The following CASQ2 variants were observed in gnomAD, a reference collection of about 807,000 sequenced individuals.
The protein encoded by CASQ2 is calsequestrin 2, also known as calsequestrin-2.
A neutral mutation model predicts 46.5 loss-of-function variants in CASQ2; 49 were observed. The observed-to-expected ratio is 1.05, with a 90% CI of 0.84 to 1.34. The LOEUF (loss-of-function observed/expected upper bound fraction) is 1.34. CASQ2 is among the 40% of genes most tolerant of loss of function. CASQ2 has a pLI of 0.00. For missense variants in CASQ2, 486 were observed against 481.3 expected (o/e 1.01, Z -0.09); for synonymous variants, 174 against 168.5 (o/e 1.03, Z -0.25).
At position 115,734,349 on chromosome 1, in the gene CASQ2, A is replaced by C. The variant is rs114751657; in HGVS notation, c.533-1375T>G. Among the ~76,000 whole-genome samples, 644 of 152,168 alleles carry C rather than the reference A, an allele frequency of 4.2e-3. 3 individuals are homozygous for C. The highest frequency in any genetic ancestry group is 0.015 in the African/African-American group (625 of 41,506). On this transcript the variant is annotated intron_variant, in intron 4 of 10. Transcript: ENST00000261448. ...TTTCCAATCCCCATGTCCCTGATGA[A>C]TTTCTCTTCCCCTCCATGAACTCCC...
intron 7 of CASQ2, among the ~76,000 whole-genome samples, chr1:115,719,991 A>G (rs1647313668): frequency 6.6e-6 from 1 of 152,184 alleles, no homozygotes; most frequent in Non-Finnish European, 1.5e-5. Flanking sequence ...CTTTTTCTGT[A>G]CTTACTTTGT....
chr1:115,758,074 T>C (rs1648822303), intron 1 of CASQ2, among the ~76,000 whole-genome samples: 1 of 152,220 alleles, frequency 6.6e-6, no homozygotes, highest in Non-Finnish European at 1.5e-5. Context: ...TAAAGACATC[T>C]GTCCCTTCAT....
At chr1:115,710,736 T>C (rs964692205) in intron 8 of CASQ2, among the ~76,000 whole-genome samples, 14 of 152,004 alleles carry the variant, frequency 9.2e-5, no homozygotes, top group Non-Finnish European at 1.9e-4. Flanking sequence ...CAGAGATGGA[T>C]GTAAATAAAG....
chr1:115,717,299 G>A (rs931975353), intron 8 of CASQ2, among the ~76,000 whole-genome samples: 3 of 152,088 alleles, frequency 2.0e-5, no homozygotes, highest in African/African-American at 7.2e-5. Flanking sequence ...TCTCTTTTAG[G>A]TTCTGCATAC....
At chr1:115,717,192 C>A (rs1356443814) in intron 8 of CASQ2, among the ~76,000 whole-genome samples, 1 of 152,156 alleles carries the variant, frequency 6.6e-6, no homozygotes, top group African/African-American at 2.4e-5. Flanking sequence ...GAACTTTGAG[C>A]CAATAGAAGC....
chr1:115,754,564 T>C (rs553896513), intron 1 of CASQ2, among the ~76,000 whole-genome samples: 86 of 152,228 alleles, frequency 5.6e-4, no homozygotes, highest in African/African-American at 1.9e-3. Context: ...GATGAGGAAA[T>C]AGAGGCACAG....
intron 5 of CASQ2, among the ~76,000 whole-genome samples, chr1:115,728,427 G>A (rs1223645285): frequency 1.3e-5 from 2 of 152,138 alleles, no homozygotes; most frequent in Non-Finnish European, 2.9e-5. Flanking sequence ...AGAGGGAGAT[G>A]TGGAGTTTTT....
At chr1:115,741,941 G>T (rs1648197137) in intron 2 of CASQ2, among the ~76,000 whole-genome samples, 1 of 152,218 alleles carries the variant, frequency 6.6e-6, no homozygotes, top group South Asian at 2.1e-4. Flanking sequence ...ACTGCAGCCT[G>T]CTGTGTCCCA....
intron 3 of CASQ2, among the ~76,000 whole-genome samples, chr1:115,739,479 C>T (rs1025119365): frequency 6.6e-5 from 10 of 152,066 alleles, no homozygotes. Context: ...TCATAACTTC[C>T]CCTGCCAGTT....
rs1342542608 is a variant in CASQ2, at chr1:115,761,497, G to GAGA, written c.234+6808_234+6810dup. Reference sequence around the variant, plus strand: ...GAAGAAGAAGAAGAAGGAGAAGAAGGAGAAGAAGAAGAAGAAGAAGAAGAA... The same window carrying GAGA: ...GAAGAAGAAGAAGAAGGAGAAGAAGGAGAAGAAGAAGAAGAAGAAGAAGAAGAA... On this transcript the variant is annotated intron_variant, in intron 1 of 10. Transcript: ENST00000261448. 1.8e-3 allele frequency among the ~76,000 whole-genome samples: 35 copies of GAGA among 18,960 alleles called. 6 individuals carry two copies. Among genetic ancestry groups the GAGA allele is most frequent in the African/African-American group, 9.3e-3 (33 of 3,556 alleles). 12.4% of individuals were successfully genotyped at this position (18,960 alleles called of 152,430 possible). A position where few individuals can be genotyped will look rare whatever the true frequency, so the allele number is the denominator to read the frequency against.
chr1:115,748,209 A>C (rs996139972), intron 1 of CASQ2, among the ~76,000 whole-genome samples: 2 of 151,768 alleles, frequency 1.3e-5, no homozygotes, highest in Middle Eastern at 3.4e-3. Context: ...TTTCTTTTCT[A>C]TGTTTGTTTC....
rs1469324136 is a variant in CASQ2 at position 115,725,693 on chromosome 1, A to G, written c.738-140T>C. 3 of 1,076,752 alleles carry G rather than the reference A, an allele frequency of 2.8e-6. No homozygotes were observed. The African/African-American group carries it at 4.8e-5, about 17-fold the overall frequency. 66.7% of individuals were successfully genotyped at this position (1,076,752 alleles called of 1,614,324 possible). A position where few individuals can be genotyped will look rare whatever the true frequency, so the allele number is the denominator to read the frequency against. ...AAGGCAGGGAGAGCCCTAAAAACCC[A>G]CTTATCTTCTAAGGAAACAGACCTG... is the stretch of plus-strand genomic sequence containing the variant. On this transcript the variant is annotated intron_variant, in intron 6 of 10. Coordinates refer to ENST00000261448, the MANE Select transcript of CASQ2 (RefSeq NM_001232.4).
Position 115,768,338 on chromosome 1 carries a change from T to G in CASQ2, c.204A>C (p.Lys68Asn). Residue 68 changes from lysine to asparagine, a missense_variant, in exon 1 of 11, where the codon AAA (lysine) becomes AAC (asparagine). Lys to Asn is a moderately conservative substitution (Grantham distance 94). Transcript: ENST00000261448. ...EPVSSDKVTQKQFQLKEIVLE... is the reference protein window; with the variant it reads ...EPVSSDKVTQNQFQLKEIVLE... ...GCACGATTTCTTTCAGTTGGAACTGTTTTTGCGTGACCTTATCTGAAGACA... is the reference window on the plus strand; with the variant it reads ...GCACGATTTCTTTCAGTTGGAACTGGTTTTGCGTGACCTTATCTGAAGACA... 1 of 1,613,464 alleles carries G rather than the reference T, an allele frequency of 6.2e-7. No individual in the cohort carries two copies. Among genetic ancestry groups the G allele is most frequent in the Non-Finnish European group, 8.5e-7 (1 of 1,179,424 alleles).
intron 8 of CASQ2, among the ~76,000 whole-genome samples, chr1:115,707,568 T>A (rs1406914028): frequency 6.6e-6 from 1 of 152,158 alleles, no homozygotes; most frequent in Non-Finnish European, 1.5e-5. Context: ...CTCCAGTGTA[T>A]CACTGACTGA....
In CASQ2 at chr1:115,727,139, TA is replaced by T. The variant is rs759085915; in HGVS notation, c.607-18del. 6.3e-7 allele frequency: 1 copy of T among 1,594,952 alleles called. No homozygotes were observed. Among genetic ancestry groups the T allele is most frequent in the Admixed American group, 1.7e-5 (1 of 59,982 alleles). ...CTTTGCAACCTGTAACCATTAGAAATAAGACAAAGTTTATTTGAATACTAGT... is the reference window on the plus strand; with the variant it reads ...CTTTGCAACCTGTAACCATTAGAAATAGACAAAGTTTATTTGAATACTAGT... On this transcript the variant is annotated intron_variant, in intron 5 of 10. Transcript: ENST00000261448.
intron 7 of CASQ2, among the ~76,000 whole-genome samples, chr1:115,719,595 C>A (rs1392722017): frequency 6.6e-6 from 1 of 152,092 alleles, no homozygotes; most frequent in African/African-American, 2.4e-5. Flanking sequence ...TCACTGTGTG[C>A]GTCACAAAGA....
intron 5 of CASQ2, among the ~76,000 whole-genome samples, chr1:115,731,588 G>T (rs1338536804): frequency 6.6e-6 from 1 of 152,182 alleles, no homozygotes; most frequent in Non-Finnish European, 1.5e-5. Flanking sequence ...AATGCTTCCT[G>T]TGTGCCAAAA....
chr1:115,757,679 C>T (rs1004105644), intron 1 of CASQ2, among the ~76,000 whole-genome samples: 2 of 151,970 alleles, frequency 1.3e-5, no homozygotes, highest in Non-Finnish European at 2.9e-5. Context: ...CTTCTGCCCA[C>T]GTGCATATAT....
In CASQ2 at chr1:115,738,230, A is replaced by T. The variant is rs1252744004; in HGVS notation, c.526T>A (p.Ser176Thr). The T allele has an allele frequency of 1.3e-6, 2 of 1,593,758 alleles. No individual in the cohort carries two copies. Among genetic ancestry groups the T allele is most frequent in the East Asian group, 4.5e-5 (2 of 44,792 alleles). Residue 176 changes from serine (S) to threonine (T), a missense_variant, in exon 4 of 11, where the codon TCA becomes ACA. By Grantham distance (58) the Ser-to-Thr change is moderately conservative. Coordinates refer to ENST00000261448, the MANE Select transcript of CASQ2 (RefSeq NM_001232.4). Reference protein sequence around the residue: ...KLIGFFKSEDSEYYKAFEEAA... With the variant: ...KLIGFFKSEDTEYYKAFEEAA... The stretch of plus-strand genomic sequence containing the variant: ...GGGTTGGCAGACAACTTACATTCTG[A>T]GTCCTCACTCTTGAAAAAGCCAATG...
Sources: allele counts gnomAD v4.1 joint callset (sites outside exome capture counted in the v4.1 genomes callset), GRCh38; gene constraint gnomAD v4.1.1; transcripts MANE v1.5; gene names NCBI Gene and HGNC (gene_info 2026-07-23, HGNC 2026-07-21).